Variants in KCNT2 observed in about 807,000 individuals in gnomAD.
KCNT2 encodes potassium sodium-activated channel subfamily T member 2, also known as potassium channel subfamily T member 2.
In KCNT2, 67 loss-of-function variants were observed where a neutral mutation model predicts 153.8. That is an observed-to-expected ratio of 0.44 (90% CI 0.36 to 0.53). The LOEUF is 0.53. Ranked by LOEUF, KCNT2 falls within the 20% of genes least tolerant of loss-of-function variation. The probability of loss-of-function intolerance (pLI) is 0.00; values close to 1 mark genes in which losing one functional copy is unlikely to be tolerated. For missense variants in KCNT2, 975 were observed against 1,354.8 expected (o/e 0.72, Z 4.40); for synonymous variants, 500 against 458.8 (o/e 1.09, Z -1.15).
At chr1:196,416,476 T>C (rs969369856) in intron 12 of KCNT2, among the ~76,000 whole-genome samples, 5 of 152,096 alleles carry the variant, frequency 3.3e-5, no homozygotes, top group African/African-American at 1.2e-4. Flanking sequence ...CTGGGGATGT[T>C]GGAAAGTATT....
chr1:196,526,182 G>T (rs923474136), intron 1 of KCNT2, among the ~76,000 whole-genome samples: 1 of 151,090 alleles, frequency 6.6e-6, no homozygotes, highest in African/African-American at 2.4e-5. Context: ...GGGTCTTAAG[G>T]CTCAGTGTGA....
intron 1 of KCNT2, among the ~76,000 whole-genome samples, chr1:196,519,333 A>G (rs1262541094): frequency 6.6e-6 from 1 of 152,162 alleles, no homozygotes; most frequent in Non-Finnish European, 1.5e-5. Context: ...AAACGCTGAT[A>G]TCAAAAGTTA....
chr1:196,426,289 A>T (rs1673649025), intron 10 of KCNT2, among the ~76,000 whole-genome samples: 1 of 152,032 alleles, frequency 6.6e-6, no homozygotes, highest in Admixed American at 6.6e-5. Context: ...CAGCTTGTGA[A>T]GGTTTTAGTT....
In KCNT2 at chr1:196,326,705, A is replaced by T; in HGVS notation, c.2276+12T>A. 6.8e-7 allele frequency: 1 copy of T among 1,461,296 alleles called. No individual in the cohort carries two copies. Among genetic ancestry groups the T allele is most frequent in the Non-Finnish European group, 9.1e-7 (1 of 1,097,504 alleles). The allele number at this position is 1,461,296 out of a possible 1,614,324, so 90.5% of individuals were successfully genotyped here. A position where few individuals can be genotyped will look rare whatever the true frequency, so the allele number is the denominator to read the frequency against. ...CAGTTTATCTTGTTTGTGTATCTTA[A>T]AATATACTTACGGGTTATCCAATAG... On this transcript the variant is annotated intron_variant, in intron 19 of 27. Coordinates refer to ENST00000294725, the MANE Select transcript of KCNT2 (RefSeq NM_198503.5).
chr1:196,414,583 G>C lies in KCNT2; in HGVS notation c.1185+8467C>G, dbSNP rs945844430. On this transcript the variant is annotated intron_variant, in intron 12 of 27. Coordinates refer to ENST00000294725, the MANE Select transcript of KCNT2 (RefSeq NM_198503.5). ...GTTTTTGTTGTTGTTGTTGTTTGTT[G>C]TTGTTCTACTTAACTGTCTTGATAA... Among the ~76,000 whole-genome samples the C allele has an allele frequency of 2.0e-5, 3 of 151,848 alleles. No individual in the cohort carries two copies. The East Asian group carries it at 5.8e-4, about 29-fold the overall frequency.
At chr1:196,534,776 G>A (rs1655352055) in intron 1 of KCNT2, among the ~76,000 whole-genome samples, 1 of 152,082 alleles carries the variant, frequency 6.6e-6, no homozygotes, top group African/African-American at 2.4e-5. Flanking sequence ...GAAAAAGCAG[G>A]TCACTTTGTG....
At chr1:196,523,956 A>T (rs1653835409) in intron 1 of KCNT2, among the ~76,000 whole-genome samples, 2 of 152,154 alleles carry the variant, frequency 1.3e-5, no homozygotes, top group African/African-American at 4.8e-5. Context: ...TTATAGGTTA[A>T]CTTCCTCCTT....
At chr1:196,403,976 T>C (rs960759460) in intron 12 of KCNT2, among the ~76,000 whole-genome samples, 1 of 151,658 alleles carries the variant, frequency 6.6e-6, no homozygotes, top group Non-Finnish European at 1.5e-5. Context: ...ACTGGCTCCC[T>C]AAAACATCCT....
intron 11 of KCNT2, among the ~76,000 whole-genome samples, chr1:196,423,557 A>G (rs114713809): frequency 8.6e-4 from 130 of 151,840 alleles, no homozygotes; most frequent in African/African-American, 3.0e-3. Context: ...GAGATCATTC[A>G]TCATCTTTTT....
At chr1:196,441,270 T>G (rs899366039) in intron 8 of KCNT2, among the ~76,000 whole-genome samples, 1 of 151,664 alleles carries the variant, frequency 6.6e-6, no homozygotes, top group Non-Finnish European at 1.5e-5. Flanking sequence ...AGTATCTAGA[T>G]TCATGGCATA....
At chr1:196,338,070 C>T (rs1291361139) in intron 16 of KCNT2, among the ~76,000 whole-genome samples, 1 of 151,874 alleles carries the variant, frequency 6.6e-6, no homozygotes, top group Non-Finnish European at 1.5e-5. Context: ...ATGAATATTG[C>T]TACTGTAGAA....
At chr1:196,253,806 C>T (rs984578827) in intron 26 of KCNT2, among the ~76,000 whole-genome samples, 12 of 151,524 alleles carry the variant, frequency 7.9e-5, no homozygotes, top group African/African-American at 2.9e-4. Flanking sequence ...CCATAATAAA[C>T]TGTTAAAAGT....
At chr1:196,391,019 A>C (rs887183821) in intron 13 of KCNT2, among the ~76,000 whole-genome samples, 1 of 150,872 alleles carries the variant, frequency 6.6e-6, no homozygotes, top group Non-Finnish European at 1.5e-5. Flanking sequence ...TATGAGATTG[A>C]CTAAATTCAT....
At chr1:196,300,935 G>A (rs74136506) in intron 22 of KCNT2, among the ~76,000 whole-genome samples, 3,113 of 152,048 alleles carry the variant, frequency 0.02, 88 homozygotes, top group African/African-American at 0.07. Context: ...ACTCCCCACC[G>A]TCCTACAACC....
At chr1:196,256,794 T>C (rs1301545134) in intron 26 of KCNT2, among the ~76,000 whole-genome samples, 1 of 151,432 alleles carries the variant, frequency 6.6e-6, no homozygotes, top group Non-Finnish European at 1.5e-5. Flanking sequence ...ACCAAAGCAA[T>C]TCCATCTTGA....
At chr1:196,567,999 A>T (rs1051759894) in intron 1 of KCNT2, among the ~76,000 whole-genome samples, 1 of 152,184 alleles carries the variant, frequency 6.6e-6, no homozygotes, top group African/African-American at 2.4e-5. Flanking sequence ...AAGCAATGAA[A>T]CAAAACCAAA....
chr1:196,336,131 C>A (rs564782675), intron 16 of KCNT2, among the ~76,000 whole-genome samples: 50 of 152,204 alleles, frequency 3.3e-4, no homozygotes, highest in African/African-American at 1.2e-3. Context: ...AGTCTCTCCA[C>A]ATTGTCTGTC....
chr1:196,580,601 C>A (rs1661917039), intron 1 of KCNT2, among the ~76,000 whole-genome samples: 1 of 152,082 alleles, frequency 6.6e-6, no homozygotes, highest in African/African-American at 2.4e-5. Context: ...TCATAATACT[C>A]ATTACTCAGT....
chr1:196,236,985 A>G (rs147259795), intron 26 of KCNT2, among the ~76,000 whole-genome samples: 192 of 151,718 alleles, frequency 1.3e-3, no homozygotes, highest in African/African-American at 4.3e-3. Flanking sequence ...GAGCTATAGT[A>G]TTCCAGGCAC....
Sources: gnomAD v4.1 joint callset for allele counts (sites outside exome capture counted in the v4.1 genomes callset) on GRCh38, gnomAD v4.1.1 for gene constraint, MANE v1.5 for transcripts, NCBI Gene and HGNC (gene_info 2026-07-23, HGNC 2026-07-21) for gene names.